The following VPS8 variants were observed in gnomAD, a reference collection of about 807,000 sequenced individuals.
The protein encoded by VPS8 is VPS8 subunit of CORVET complex.
A neutral mutation model predicts 216.4 loss-of-function variants in VPS8; 129 were observed. The ratio of observed to expected loss-of-function variants is 0.60; its 90% CI spans 0.52 to 0.69. VPS8 has a LOEUF of 0.69. VPS8 is among the 30% of genes least tolerant of loss of function. The probability of loss-of-function intolerance (pLI) is 0.00; values close to 1 mark genes in which losing one functional copy is unlikely to be tolerated. For missense variants in VPS8, 1,531 were observed against 1,683.5 expected (o/e 0.91, Z 1.59); for synonymous variants, 571 against 565.4 (o/e 1.01, Z -0.14).
At chr3:185,003,417 C>G (rs1358605642) in intron 45 of VPS8, among the ~76,000 whole-genome samples, 1 of 144,762 alleles carries the variant, frequency 6.9e-6, no homozygotes, top group African/African-American at 2.6e-5. Flanking sequence ...CGCCCTTAAT[C>G]CATTTAACCC....
chr3:185,018,874 C>T (rs944106022), intron 45 of VPS8, among the ~76,000 whole-genome samples: 1 of 152,094 alleles, frequency 6.6e-6, no homozygotes, highest in Non-Finnish European at 1.5e-5. Context: ...AGGCGCTGCT[C>T]GAACAGTCAC....
At position 184,824,675 on chromosome 3, in the gene VPS8, T is replaced by C. The variant is rs1430001365; in HGVS notation, c.43T>C (p.Cys15Arg). ...CCATGAAAATGTGGAACAGAGCCTC[T>C]GTGCCAAGACGAGCGAAGAAGAGCT... is the stretch of plus-strand genomic sequence containing the variant. Reference protein sequence around the residue: ...PDHENVEQSLCAKTSEEELNK... With the variant: ...PDHENVEQSLRAKTSEEELNK... The change falls in exon 2 of 48, where the codon TGT (cysteine) becomes CGT (arginine). Residue 15 changes from cysteine to arginine, a missense_variant. Cys to Arg is a radical substitution (Grantham distance 180, BLOSUM62 -3). This residue lies in a region of VPS8 where 199 missense variants were observed against 182.2 expected (regional missense o/e 1.09). Coordinates refer to ENST00000625842, the MANE Select transcript of VPS8 (RefSeq NM_001009921.3). The C allele has an allele frequency of 6.2e-7, 1 of 1,613,896 alleles. No homozygotes were observed. Among genetic ancestry groups the C allele is most frequent in the East Asian group, 2.2e-5 (1 of 44,894 alleles).
chr3:184,818,739 A>C (rs1716898398), intron 1 of VPS8, among the ~76,000 whole-genome samples: 1 of 152,194 alleles, frequency 6.6e-6, no homozygotes, highest in South Asian at 2.1e-4. Context: ...TTATATAGTA[A>C]ATAAAAACTT....
chr3:185,001,295 A>G (rs1469147009), intron 45 of VPS8, among the ~76,000 whole-genome samples: 2 of 152,196 alleles, frequency 1.3e-5, no homozygotes, highest in African/African-American at 2.4e-5. Context: ...CAAACAAAGT[A>G]CTCAGGCTAC....
In VPS8 at chr3:184,926,653, A is replaced by G. The variant is rs1739711249; in HGVS notation, c.2631+3A>G. ...CCCGACACTCTGAAAGACAGCAGGT[A>G]TGAACTACTAGAACTCTTTTTGCTA... On this transcript the variant is annotated splice_donor_region_variant and intron_variant, in intron 31 of 47. Transcript: ENST00000625842. 3.1e-6 allele frequency: 5 copies of G among 1,600,262 alleles called. No individual in the cohort carries two copies. Among genetic ancestry groups the G allele is most frequent in the South Asian group, 1.1e-5 (1 of 88,128 alleles).
intron 22 of VPS8, among the ~76,000 whole-genome samples, chr3:184,893,021 G>A (rs893832702): frequency 4.6e-5 from 7 of 152,058 alleles, no homozygotes; most frequent in Non-Finnish European, 1.0e-4. Flanking sequence ...ACAAAAATAT[G>A]ATGAATTATT....
chr3:184,934,262 C>T (rs1741211705), intron 34 of VPS8, among the ~76,000 whole-genome samples: 1 of 152,104 alleles, frequency 6.6e-6, no homozygotes, highest in Admixed American at 6.6e-5. Context: ...CCTCAGCCTC[C>T]TGGGTTCAAA....
At chr3:184,952,339 C>T (rs1431674567) in intron 36 of VPS8, among the ~76,000 whole-genome samples, 3 of 152,270 alleles carry the variant, frequency 2.0e-5, no homozygotes, top group East Asian at 3.9e-4. Context: ...CTAGTGGGCA[C>T]CAACTGGGTA....
chr3:185,037,971 G>C (rs539423876), intron 46 of VPS8, among the ~76,000 whole-genome samples: 1 of 152,266 alleles, frequency 6.6e-6, no homozygotes, highest in Admixed American at 6.5e-5. Flanking sequence ...TACTCTTCCA[G>C]GAAGTTTGTT....
intron 46 of VPS8, among the ~76,000 whole-genome samples, chr3:185,046,108 A>G (rs1278819778): frequency 2.0e-5 from 3 of 152,384 alleles, no homozygotes; most frequent in Admixed American, 2.0e-4. Flanking sequence ...AGACAGCAGC[A>G]AATGCATTTT....
chr3:184,959,834 T>A (rs1746200792), intron 37 of VPS8, among the ~76,000 whole-genome samples: 1 of 152,110 alleles, frequency 6.6e-6, no homozygotes, highest in South Asian at 2.1e-4. Flanking sequence ...CTTTTATTTT[T>A]ATTTTTTTAA....
At chr3:185,033,653 T>C (rs1252195785) in intron 46 of VPS8, among the ~76,000 whole-genome samples, 1 of 152,270 alleles carries the variant, frequency 6.6e-6, no homozygotes, top group East Asian at 1.9e-4. Flanking sequence ...CCATGATTGC[T>C]GGATTATATG....
chr3:184,827,959 T>G (rs1311521285), intron 3 of VPS8, among the ~76,000 whole-genome samples: 1 of 152,046 alleles, frequency 6.6e-6, no homozygotes, highest in Non-Finnish European at 1.5e-5. Context: ...ATGAAGACGA[T>G]AAGGGGGCTG....
intron 4 of VPS8, among the ~76,000 whole-genome samples, chr3:184,834,172 A>C (rs774584233): frequency 1.3e-5 from 2 of 152,210 alleles, no homozygotes; most frequent in Non-Finnish European, 2.9e-5. Flanking sequence ...AGGGTAATGT[A>C]GACTTGCAGG....
At chr3:185,036,835 A>G in intron 46 of VPS8, among the ~76,000 whole-genome samples, 1 of 151,860 alleles carries the variant, frequency 6.6e-6, no homozygotes, top group East Asian at 1.9e-4. Context: ...GGTTGTTGTA[A>G]TTTTTACTTT....
intron 46 of VPS8, among the ~76,000 whole-genome samples, chr3:185,033,700 A>G (rs941347691): frequency 1.3e-5 from 2 of 152,204 alleles, no homozygotes; most frequent in South Asian, 2.1e-4. Context: ...TTGCCAAACT[A>G]TCTGCCAAAG....
chr3:184,924,668 A>G (rs1486488730), intron 29 of VPS8, among the ~76,000 whole-genome samples, 194 bp from the exon 30 acceptor site: 1 of 152,156 alleles, frequency 6.6e-6, no homozygotes, highest in East Asian at 1.9e-4. Flanking sequence ...AAAATCACTA[A>G]AATGTTTTCC....
At position 184,868,978 on chromosome 3, in the gene VPS8, T is replaced by C; in HGVS notation, c.1539T>C (p.Leu513=). The change falls in exon 19 of 48, where the codon CTT becomes CTC. Residue 513 remains leucine, a synonymous_variant. Transcript: ENST00000625842. The part of the protein sequence containing the change: ...RVDHLLKQDC[L]TEALALAWSF... ...ATCATCTCCTGAAACAAGATTGTCT[T>C]ACAGAAGCGTTGGCTCTTGCGTGGT... The C allele has an allele frequency of 6.2e-7, 1 of 1,610,762 alleles. No individual in the cohort carries two copies. The highest frequency in any genetic ancestry group is 8.5e-7 in the Non-Finnish European group (1 of 1,178,588).
intron 42 of VPS8, among the ~76,000 whole-genome samples, chr3:184,992,818 T>G (rs148921468): frequency 6.6e-6 from 1 of 152,278 alleles, no homozygotes; most frequent in East Asian, 1.9e-4. Flanking sequence ...CACATACATA[T>G]GCTGATGGGG....
Sources: gnomAD v4.1 joint callset for allele counts (sites outside exome capture counted in the v4.1 genomes callset) on GRCh38, gnomAD v4.1.1 for gene constraint, gnomAD v4.1.1 regional missense constraint, MANE v1.5 for transcripts, NCBI Gene and HGNC (gene_info 2026-07-23, HGNC 2026-07-21) for gene names.